Variants in NFATC2 observed in about 807,000 individuals in gnomAD.
NFATC2 encodes the protein nuclear factor of activated T cells 2, also known as nuclear factor of activated T-cells, cytoplasmic 2.
A neutral mutation model predicts 87.3 loss-of-function variants in NFATC2; 22 were observed. The observed-to-expected ratio is 0.25, with a 90% CI of 0.18 to 0.36. The LOEUF (loss-of-function observed/expected upper bound fraction) is 0.36, where lower values mean the gene tolerates loss of function less well. Among genes scored for constraint, NFATC2 ranks in the 10% least tolerant of loss-of-function variants. The pLI, the probability that NFATC2 is intolerant of heterozygous loss-of-function variation, is 1.00. For synonymous variants in NFATC2, 565 were observed against 542.2 expected, an observed-to-expected ratio of 1.04 and a Z score of -0.58; for missense variants, 1,149 against 1,259.1, an observed-to-expected ratio of 0.91 and a Z score of 1.32.
intron 1 of NFATC2, among the ~76,000 whole-genome samples, chr20:51,551,958 T>C (rs1164540652): frequency 2.7e-5 from 4 of 150,860 alleles, no homozygotes; most frequent in East Asian, 1.9e-4. Flanking sequence ...ACCTGGGAGG[T>C]GGAGCTTGCA....
intron 9 of NFATC2, among the ~76,000 whole-genome samples, chr20:51,401,346 AAAT>A (rs1312359180): frequency 9.2e-5 from 14 of 152,172 alleles, no homozygotes; most frequent in East Asian, 7.7e-4. Context: ...AAAAAAATAA[AAAT>A]AAATGAGATG....
At chr20:51,463,923 A>G (rs1424215224) in intron 5 of NFATC2, among the ~76,000 whole-genome samples, 1 of 152,118 alleles carries the variant, frequency 6.6e-6, no homozygotes, top group Non-Finnish European at 1.5e-5. Context: ...AGCCCAGTAA[A>G]GGGCCGGGTA....
At chr20:51,456,961 C>T (rs1986602026) in intron 5 of NFATC2, among the ~76,000 whole-genome samples, 1 of 152,240 alleles carries the variant, frequency 6.6e-6, no homozygotes, top group Admixed American at 6.5e-5. Flanking sequence ...TCAAACCAAT[C>T]CCCTGATGGC....
At chr20:51,513,977 G>C (rs1568712095) in intron 3 of NFATC2, among the ~76,000 whole-genome samples, 4 of 152,224 alleles carry the variant, frequency 2.6e-5, no homozygotes, top group East Asian at 1.9e-4. Flanking sequence ...CCAAATCCCA[G>C]CTCCACCATT....
intron 3 of NFATC2, among the ~76,000 whole-genome samples, chr20:51,511,573 A>G (rs1335704837): frequency 6.6e-6 from 1 of 152,164 alleles, no homozygotes; most frequent in African/African-American, 2.4e-5. Context: ...CCAAGAAAAC[A>G]CTTTCTTTCC....
At chr20:51,486,214 C>A (rs6021236) in intron 3 of NFATC2, among the ~76,000 whole-genome samples, 129,182 of 149,860 alleles carry the variant, frequency 0.86, 55,727 homozygotes, top group East Asian at 0.94. Context: ...CTGCCTCAAA[C>A]AAAAAAAAGA....
At chr20:51,543,975 A>ATTTATTTTTTTTT (rs774804203), upstream of NFATC2, among the ~76,000 whole-genome samples, 1 of 72,958 alleles carries the variant, frequency 1.4e-5, no homozygotes, top group Admixed American at 2.0e-4. Flanking sequence ...AGAATTCCTA[A>ATTTATTTTTTTTT]TTTTTTTTTT....
intron 6 of NFATC2, among the ~76,000 whole-genome samples, chr20:51,449,483 G>A (rs1194928344): frequency 1.3e-5 from 2 of 152,160 alleles, no homozygotes; most frequent in African/African-American, 4.8e-5. Flanking sequence ...GCATGGAAGG[G>A]TCAGAAATGT....
At chr20:51,398,208 G>A (rs528341775) in intron 10 of NFATC2, among the ~76,000 whole-genome samples, 7 of 152,174 alleles carry the variant, frequency 4.6e-5, no homozygotes, top group Non-Finnish European at 7.3e-5. Context: ...AGCACAGGGC[G>A]GGGCTTCCTC....
intron 1 of NFATC2, among the ~76,000 whole-genome samples, chr20:51,551,843 T>A (rs112600871): frequency 1.3e-5 from 2 of 151,070 alleles, no homozygotes; most frequent in African/African-American, 2.4e-5. Context: ...CTGGCTAACA[T>A]GGTGAAACCC....
At chr20:51,435,642 A>C (rs370442974) in intron 7 of NFATC2, 64 bp downstream of exon 7, 1 of 1,522,550 alleles carries the variant, frequency 6.6e-7, no homozygotes. Context: ...GGAAAGAAGG[A>C]AAGAGCATGA....
chr20:51,443,077 T>C (rs1254041688), intron 6 of NFATC2, among the ~76,000 whole-genome samples: 1 of 152,200 alleles, frequency 6.6e-6, no homozygotes, highest in Non-Finnish European at 1.5e-5. Context: ...TCTCCAGGCC[T>C]TGGAACTTGC....
chr20:51,546,661 A>C (rs1490267701), upstream of NFATC2, among the ~76,000 whole-genome samples: 1 of 152,108 alleles, frequency 6.6e-6, no homozygotes, highest in South Asian at 2.1e-4. Context: ...GTACTATTTG[A>C]CCCTGGCCCA....
intron 5 of NFATC2, among the ~76,000 whole-genome samples, chr20:51,473,368 G>A (rs975900468): frequency 6.6e-6 from 1 of 151,970 alleles, no homozygotes; most frequent in Non-Finnish European, 1.5e-5. Flanking sequence ...ATGGGTGGGG[G>A]ACAGGGCATG....
In NFATC2 at chr20:51,433,759, A is replaced by G. The variant is rs73910847; in HGVS notation, c.2033-1003T>C. 5.5e-3 allele frequency among the ~76,000 whole-genome samples: 803 copies of G among 146,142 alleles called. 8 individuals carry two copies. Among genetic ancestry groups the G allele is most frequent in the African/African-American group, 0.018 (699 of 38,372 alleles). On this transcript the variant is annotated intron_variant, in intron 8 of 10. Transcript: ENST00000371564. The stretch of plus-strand genomic sequence containing the variant: ...CGCATGCGTGTGTGTTCATGCATGC[A>G]TGTGTGTGTGTGTGTGTGTGTGTGT...
intron 3 of NFATC2, among the ~76,000 whole-genome samples, chr20:51,508,558 C>T (rs1375291639): frequency 1.3e-5 from 2 of 152,102 alleles, no homozygotes; most frequent in Non-Finnish European, 2.9e-5. Flanking sequence ...AAGTCGGCCT[C>T]AGAACCCCCA....
Position 51,523,793 on chromosome 20 carries a change from T to C in NFATC2, c.448A>G (p.Arg150Gly). 6.2e-7 allele frequency: 1 copy of C among 1,608,852 alleles called. No homozygotes were observed. The highest frequency in any genetic ancestry group is 8.5e-7 in the Non-Finnish European group (1 of 1,177,532). Residue 150 changes from arginine (R) to glycine (G), a missense_variant, in exon 2 of 11, where the codon AGG (arginine) becomes GGG (glycine). Coordinates refer to ENST00000371564, the MANE Select transcript of NFATC2 (RefSeq NM_012340.5). The surrounding 1 kb of genome is among the most constrained non-coding windows in gnomAD (Gnocchi z 6.9). ...PPLAGVAASP[R>G]FTLPVPGFEG... ...AAGCCGGGCACGGGCAGGGTGAACC[T>C]CGGGCTGGCGGCCACCCCGGCCAGG...
At chr20:51,547,236 G>A (rs76801960), upstream of NFATC2, among the ~76,000 whole-genome samples, 13 of 152,242 alleles carry the variant, frequency 8.5e-5, no homozygotes, top group East Asian at 1.9e-3. Flanking sequence ...TAATGGGGGC[G>A]TAGACTACAG....
At chr20:51,421,086 A>C (rs925069720) in intron 9 of NFATC2, among the ~76,000 whole-genome samples, 9 of 151,798 alleles carry the variant, frequency 5.9e-5, no homozygotes, top group South Asian at 2.1e-4. Flanking sequence ...AAAAAAAAAA[A>C]AACAAAAAAA....
Sources: allele counts gnomAD v4.1 joint callset (sites outside exome capture counted in the v4.1 genomes callset), GRCh38; gene constraint gnomAD v4.1.1; non-coding constraint Gnocchi (gnomAD v3.1); transcripts MANE v1.5; gene names NCBI Gene and HGNC (gene_info 2026-07-23, HGNC 2026-07-21).